The following CDK12 variants were observed in gnomAD, a reference collection of about 807,000 sequenced individuals.
CDK12 encodes cyclin-dependent kinase 12.
In CDK12, 17 loss-of-function variants were observed where a neutral mutation model predicts 133.8. The observed-to-expected ratio is 0.13, with a 90% CI of 0.09 to 0.19. The LOEUF (loss-of-function observed/expected upper bound fraction) is 0.19. Ranked by LOEUF, CDK12 falls within the 10% of genes least tolerant of loss-of-function variation. The pLI is 1.00. For missense variants in CDK12, 1,508 were observed against 1,818.7 expected, an observed-to-expected ratio of 0.83 and a Z score of 3.11; for synonymous variants, 694 against 683.6, an observed-to-expected ratio of 1.02 and a Z score of -0.24.
Position 39,469,917 on chromosome 17 carries a change from G to A in CDK12, c.1047-962G>A, listed in dbSNP as rs547100043. 2.1e-4 allele frequency among the ~76,000 whole-genome samples: 32 copies of A among 152,202 alleles called. 1 individual carries two copies. In the South Asian group the frequency reaches 5.6e-3, roughly 27 times the overall value. On this transcript the variant is annotated intron_variant, in intron 1 of 13. Transcript: ENST00000447079. ...CTCCCAAAGTGCTGGGATTACAGGCGTGAGCCACCGCACCTGGCCAAGCAT... is the reference window on the plus strand; with the variant it reads ...CTCCCAAAGTGCTGGGATTACAGGCATGAGCCACCGCACCTGGCCAAGCAT...
intron 5 of CDK12, among the ~76,000 whole-genome samples, chr17:39,498,474 C>T (rs1021611585): frequency 3.9e-5 from 6 of 152,154 alleles, no homozygotes; most frequent in Admixed American, 2.6e-4. Flanking sequence ...CCACCCGCCT[C>T]GGCCTCCCAA....
intron 1 of CDK12, among the ~76,000 whole-genome samples, chr17:39,540,167 A>G (rs2055343531): frequency 6.6e-6 from 1 of 152,254 alleles, no homozygotes; most frequent in Non-Finnish European, 1.5e-5. Flanking sequence ...AAGTGGGTCC[A>G]TAGGAATTAG....
At chr17:39,470,378 C>T (rs1310009765) in intron 1 of CDK12, among the ~76,000 whole-genome samples, 1 of 152,122 alleles carries the variant, frequency 6.6e-6, no homozygotes, top group Non-Finnish European at 1.5e-5. Context: ...GCCTCAGCCT[C>T]CCAAAGTGCT....
chr17:39,499,645 A>G lies in CDK12; in HGVS notation c.2420-1605A>G, dbSNP rs1301102977. Among the ~76,000 whole-genome samples, 3 of 150,652 alleles carry G rather than the reference A, an allele frequency of 2.0e-5. No individual in the cohort carries two copies. The East Asian group carries it at 5.9e-4, about 29-fold the overall frequency. On this transcript the variant is annotated intron_variant, in intron 5 of 13. Transcript: ENST00000447079. ...CTGCCTCAGCCTCCCGTGTAGCTGG[A>G]ATTATAGGCGCCTGCTATCATGCCT...
Position 39,462,051 on chromosome 17 carries a change from C to T in CDK12, c.-21C>T, listed in dbSNP as rs1024183478. The stretch of plus-strand genomic sequence containing the variant: ...GAGTGCTGGGGAACTTTTTTCCCTT[C>T]TTCAGGTCAGGGGAAAGGGAATGCC... On this transcript the variant is annotated 5_prime_UTR_variant, in exon 1 of 14. Coordinates refer to ENST00000447079, the MANE Select transcript of CDK12 (RefSeq NM_016507.4). The T allele has an allele frequency of 9.4e-6, 15 of 1,597,428 alleles. No individual in the cohort carries two copies. The highest frequency in any genetic ancestry group is 3.4e-5 in the Admixed American group (2 of 58,550).
downstream of CDK12, among the ~76,000 whole-genome samples, chr17:39,535,663 C>T (rs1179903747): frequency 6.6e-6 from 1 of 152,160 alleles, no homozygotes; most frequent in East Asian, 1.9e-4. Context: ...CATTTCTAAC[C>T]AGAAACCATG....
At chr17:39,487,254 A>T (rs1201213586) in intron 2 of CDK12, among the ~76,000 whole-genome samples, 1 of 152,180 alleles carries the variant, frequency 6.6e-6, no homozygotes, top group Non-Finnish European at 1.5e-5. Context: ...AACGATAAAA[A>T]TTGGCAGGAG....
In CDK12 at chr17:39,515,803, G is replaced by A. The variant is rs937018559; in HGVS notation, c.2841G>A (p.Leu947=). Residue 947 remains leucine, a synonymous_variant, in exon 9 of 14, where the codon CTG becomes CTA. Coordinates refer to ENST00000447079, the MANE Select transcript of CDK12 (RefSeq NM_016507.4). ...ATCTGGAACTGGCTCAGCTAGAACT[G>A]ATCAGGTACAGCTGTACATGTGCTC... is the stretch of plus-strand genomic sequence containing the variant. The part of the protein sequence containing the change: ...QANLELAQLE[L]ISRLCGSPCP... The A allele has an allele frequency of 6.2e-7, 1 of 1,611,094 alleles. No homozygotes were observed. Among genetic ancestry groups the A allele is most frequent in the Non-Finnish European group, 8.5e-7 (1 of 1,177,662 alleles).
At chr17:39,514,621 A>G (rs1356729804) in intron 8 of CDK12, among the ~76,000 whole-genome samples, 1 of 152,194 alleles carries the variant, frequency 6.6e-6, no homozygotes, top group African/African-American at 2.4e-5. Context: ...GATCACAGAC[A>G]TGAGCTGCCA....
In CDK12 at chr17:39,531,508, C is replaced by A. The variant is rs931283895; in HGVS notation, c.*192C>A. The A allele has an allele frequency of 1.3e-5, 6 of 461,404 alleles. No individual in the cohort carries two copies. Among genetic ancestry groups the A allele is most frequent in the Non-Finnish European group, 2.2e-5 (6 of 270,752 alleles). The allele number at this position is 461,404 out of a possible 1,614,324, so 28.6% of individuals were successfully genotyped here. A position where few individuals can be genotyped will look rare whatever the true frequency, so the allele number is the denominator to read the frequency against. On this transcript the variant is annotated 3_prime_UTR_variant, in exon 14 of 14. Transcript: ENST00000447079. ...CGAAATAATGATGTTGGCACCAGTTCCCCCTGGATGGGCTATAGCCAGAAC... is the reference window on the plus strand; with the variant it reads ...CGAAATAATGATGTTGGCACCAGTTACCCCTGGATGGGCTATAGCCAGAAC...
chr17:39,517,093 T>C (rs2053862094), intron 9 of CDK12, among the ~76,000 whole-genome samples: 1 of 152,202 alleles, frequency 6.6e-6, no homozygotes, highest in Non-Finnish European at 1.5e-5. Flanking sequence ...ATAGGGATAC[T>C]ATAGGATCAT....
intron 11 of CDK12, among the ~76,000 whole-genome samples, chr17:39,521,308 G>T (rs1037809047): frequency 6.6e-6 from 1 of 151,866 alleles, no homozygotes; most frequent in Non-Finnish European, 1.5e-5. Flanking sequence ...TTCACTCTTC[G>T]CATCCAGGCT....
At chr17:39,503,672 C>T (rs1295893091) in intron 6 of CDK12, among the ~76,000 whole-genome samples, 4 of 152,132 alleles carry the variant, frequency 2.6e-5, no homozygotes, top group Non-Finnish European at 5.9e-5. Context: ...AATTGAATTT[C>T]CTCCTCAGGT....
chr17:39,493,463 C>T (rs1157544816), intron 4 of CDK12, among the ~76,000 whole-genome samples: 1 of 151,930 alleles, frequency 6.6e-6, no homozygotes, highest in East Asian at 1.9e-4. Flanking sequence ...CATGCACCAC[C>T]ACACCCAGCT....
chr17:39,475,066 C>T (rs2050090920), intron 2 of CDK12, among the ~76,000 whole-genome samples: 1 of 151,864 alleles, frequency 6.6e-6, no homozygotes, highest in South Asian at 2.1e-4. Context: ...AACTCCTGAC[C>T]TTAAATGATT....
At chr17:39,517,146 G>A (rs2053865296) in intron 9 of CDK12, among the ~76,000 whole-genome samples, 1 of 152,032 alleles carries the variant, frequency 6.6e-6, no homozygotes, top group Non-Finnish European at 1.5e-5. Context: ...GAACAAAACT[G>A]GTAATAAAAA....
At chr17:39,464,837 C>T (rs566889106) in intron 1 of CDK12, among the ~76,000 whole-genome samples, 4 of 151,284 alleles carry the variant, frequency 2.6e-5, no homozygotes, top group Non-Finnish European at 5.9e-5. Flanking sequence ...CTGTAGTCCC[C>T]ACTGCCTGGG....
At chr17:39,492,314 T>G (rs1476199170) in intron 3 of CDK12, among the ~76,000 whole-genome samples, 1 of 150,594 alleles carries the variant, frequency 6.6e-6, no homozygotes, top group Non-Finnish European at 1.5e-5. Flanking sequence ...GCCAGGATGG[T>G]CTCTATCTCC....
At chr17:39,557,858 A>G (rs990552171) in intron 3 of CDK12, among the ~76,000 whole-genome samples, 4 of 152,222 alleles carry the variant, frequency 2.6e-5, no homozygotes, top group African/African-American at 9.6e-5. Flanking sequence ...TTCCAGTGCC[A>G]TCTCTGCCAC....
Sources: gnomAD v4.1 joint callset for allele counts (sites outside exome capture counted in the v4.1 genomes callset) on GRCh38, gnomAD v4.1.1 for gene constraint, MANE v1.5 for transcripts, NCBI Gene and HGNC (gene_info 2026-07-23, HGNC 2026-07-21) for gene names.